The following ARHGAP22 variants were observed in gnomAD, a reference collection of about 807,000 sequenced individuals.
The protein encoded by ARHGAP22 is rho GTPase-activating protein 22.
A neutral mutation model predicts 59.1 loss-of-function variants in ARHGAP22; 48 were observed. That is an observed-to-expected ratio of 0.81 (90% CI 0.64 to 1.03). The LOEUF is 1.03. ARHGAP22 is among the 50% of genes least tolerant of loss of function. ARHGAP22 has a pLI of 0.00. For missense variants in ARHGAP22, 1,015 were observed against 958.7 expected, an observed-to-expected ratio of 1.06 and a Z score of -0.78; for synonymous variants, 445 against 416.4, an observed-to-expected ratio of 1.07 and a Z score of -0.84.
chr10:48,602,291 C>G (rs904038854), intron 1 of ARHGAP22, among the ~76,000 whole-genome samples: 12 of 152,156 alleles, frequency 7.9e-5, no homozygotes, highest in African/African-American at 2.9e-4. Context: ...GACACTCCTG[C>G]TACAGGAGAT....
At chr10:48,447,479 G>A (rs890722923) in intron 9 of ARHGAP22, among the ~76,000 whole-genome samples, 1 of 152,194 alleles carries the variant, frequency 6.6e-6, no homozygotes, top group Non-Finnish European at 1.5e-5. Context: ...CACAGCACCT[G>A]GTACGTGGTG....
chr10:48,638,806 C>T (rs781456637), intron 1 of ARHGAP22, among the ~76,000 whole-genome samples: 1 of 152,042 alleles, frequency 6.6e-6, no homozygotes, highest in South Asian at 2.1e-4. Context: ...GGCAATAATG[C>T]CTGCAAGATC....
chr10:48,478,632 G>A (rs564269788), intron 4 of ARHGAP22, among the ~76,000 whole-genome samples: 5 of 152,302 alleles, frequency 3.3e-5, no homozygotes, highest in African/African-American at 1.2e-4. Flanking sequence ...GGAGTCGGTG[G>A]CCCTGGCCCC....
At chr10:48,495,753 G>A (rs1418376822) in intron 3 of ARHGAP22, among the ~76,000 whole-genome samples, 1 of 152,262 alleles carries the variant, frequency 6.6e-6, no homozygotes, top group Non-Finnish European at 1.5e-5. Context: ...TCACTTCTGA[G>A]ATTAGGTCAC....
chr10:48,537,736 C>T (rs556031765), intron 3 of ARHGAP22, among the ~76,000 whole-genome samples: 4 of 152,348 alleles, frequency 2.6e-5, no homozygotes, highest in Non-Finnish European at 5.9e-5. Context: ...TCCCACCTGA[C>T]CGCAGGCCTC....
rs1453353234 is a variant in ARHGAP22, at chr10:48,604,829, C to A, written c.-33G>T. On this transcript the variant is annotated 5_prime_UTR_variant, in exon 1 of 10. Transcript: ENST00000249601. Reference sequence around the variant, plus strand: ...CAGCCGTCCGGCCAGCCCCGCAGGGCCGTTCATGCTGTCATCCACTTGCTT... The same window carrying A: ...CAGCCGTCCGGCCAGCCCCGCAGGGACGTTCATGCTGTCATCCACTTGCTT... 1.2e-6 allele frequency: 2 copies of A among 1,614,014 alleles called. No homozygotes were observed. The highest frequency in any genetic ancestry group is 1.7e-6 in the Non-Finnish European group (2 of 1,180,046).
chr10:48,573,789 A>C (rs996581402), intron 2 of ARHGAP22, among the ~76,000 whole-genome samples: 3 of 152,248 alleles, frequency 2.0e-5, no homozygotes, highest in Non-Finnish European at 4.4e-5. Flanking sequence ...TAGGAACAAG[A>C]GGGCTTCAAT....
At chr10:48,490,333 G>A (rs1294868151) in intron 3 of ARHGAP22, among the ~76,000 whole-genome samples, 2 of 152,056 alleles carry the variant, frequency 1.3e-5, no homozygotes, top group Non-Finnish European at 2.9e-5. Context: ...TTTTTCATGG[G>A]GTGTGGAGGC....
chr10:48,547,949 G>A (rs2056588231), intron 3 of ARHGAP22, among the ~76,000 whole-genome samples: 1 of 152,224 alleles, frequency 6.6e-6, no homozygotes, highest in African/African-American at 2.4e-5. Context: ...CCCTCTGGAA[G>A]GCACCCAAGT....
At chr10:48,579,651 A>C (rs2058985999) in intron 2 of ARHGAP22, among the ~76,000 whole-genome samples, 1 of 152,192 alleles carries the variant, frequency 6.6e-6, no homozygotes, top group African/African-American at 2.4e-5. Flanking sequence ...AGAGAGAACA[A>C]GGAATGTGGG....
rs867758622 is a variant in ARHGAP22, at chr10:48,454,167, G to T, written c.793-6C>A. On this transcript the variant is annotated splice_region_variant and splice_polypyrimidine_tract_variant and intron_variant, in intron 6 of 9. Coordinates refer to ENST00000249601, the MANE Select transcript of ARHGAP22 (RefSeq NM_021226.4). ...TTAGCCAACTCCAGAGTGCCCTTAG[G>T]AATGAAGAACAGAATTTCAAACACC... The T allele has an allele frequency of 1.2e-6, 2 of 1,612,554 alleles. No individual in the cohort carries two copies. The highest frequency in any genetic ancestry group is 1.7e-4 in the Middle Eastern group (1 of 6,054).
chr10:48,477,721 G>A (rs1011853901), intron 4 of ARHGAP22, among the ~76,000 whole-genome samples: 1 of 152,200 alleles, frequency 6.6e-6, no homozygotes, highest in Non-Finnish European at 1.5e-5. Flanking sequence ...GCAATTCCCT[G>A]ATTACTGATG....
At chr10:48,618,190 T>C (rs759585113) in intron 1 of ARHGAP22, among the ~76,000 whole-genome samples, 1 of 152,044 alleles carries the variant, frequency 6.6e-6, no homozygotes, top group Non-Finnish European at 1.5e-5. Flanking sequence ...TTATGAGTAA[T>C]GAAATTGAAT....
the ARHGAP22 span, chr10:48,439,502 C>T: frequency 2.0e-5 from 3 of 151,516 alleles, no homozygotes; most frequent in African/African-American, 7.3e-5. Context: ...TTGTAAAGAG[C>T]CTAAATGATC....
intron 2 of ARHGAP22, chr10:48,556,793 G>C (rs141898516): frequency 8.5e-4 from 129 of 152,314 alleles, no homozygotes; most frequent in African/African-American, 3.0e-3. Flanking sequence ...TCCACACCTA[G>C]TGGGGCACCG....
intron 3 of ARHGAP22, among the ~76,000 whole-genome samples, chr10:48,512,656 C>G (rs1589854695): frequency 6.6e-6 from 1 of 152,184 alleles, no homozygotes; most frequent in Admixed American, 6.5e-5. Flanking sequence ...AGTGAGACAT[C>G]CCAATTTACA....
intron 1 of ARHGAP22, among the ~76,000 whole-genome samples, chr10:48,631,485 T>C (rs1320897037): frequency 6.6e-6 from 1 of 152,244 alleles, no homozygotes; most frequent in Admixed American, 6.5e-5. Flanking sequence ...TTAATAGTTA[T>C]AAGCCAATTA....
At chr10:48,488,500 T>C (rs2050062918) in intron 3 of ARHGAP22, among the ~76,000 whole-genome samples, 1 of 152,238 alleles carries the variant, frequency 6.6e-6, no homozygotes, top group Non-Finnish European at 1.5e-5. Context: ...TTCTTCAGCC[T>C]TTTTCTGGTA....
chr10:48,487,291 C>A (rs1740113050), intron 3 of ARHGAP22, among the ~76,000 whole-genome samples: 1 of 152,106 alleles, frequency 6.6e-6, no homozygotes, highest in Non-Finnish European at 1.5e-5. Flanking sequence ...AACAGCCCCC[C>A]AAAGACATCC....
Sources: allele counts gnomAD v4.1 joint callset (sites outside exome capture counted in the v4.1 genomes callset), GRCh38; gene constraint gnomAD v4.1.1; transcripts MANE v1.5; gene names NCBI Gene and HGNC (gene_info 2026-07-23, HGNC 2026-07-21).